The following OPCML variants were observed in gnomAD, a reference collection of about 807,000 sequenced individuals.
OPCML encodes opioid-binding protein/cell adhesion molecule.
A neutral mutation model predicts 37.8 loss-of-function variants in OPCML; 13 were observed. The observed-to-expected ratio is 0.34, with a 90% CI of 0.22 to 0.55. The LOEUF (loss-of-function observed/expected upper bound fraction) is 0.55, where lower values mean the gene tolerates loss of function less well. Ranked by LOEUF, OPCML falls within the 20% of genes least tolerant of loss-of-function variation. The pLI is 0.91. For synonymous variants in OPCML, 176 were observed against 168.8 expected (o/e 1.04, Z -0.33); for missense variants, 341 against 435.6 (o/e 0.78, Z 1.93).
chr11:133,337,526 T>C (rs1173130260), intron 1 of OPCML, among the ~76,000 whole-genome samples: 1 of 152,182 alleles, frequency 6.6e-6, no homozygotes, highest in African/African-American at 2.4e-5. Context: ...TTCTGAGCTA[T>C]CTGGGGAAGT....
chr11:132,495,674 G>A (rs903433219), intron 4 of OPCML, among the ~76,000 whole-genome samples: 2 of 152,066 alleles, frequency 1.3e-5, no homozygotes, highest in South Asian at 4.1e-4. Flanking sequence ...GGCAGATCAC[G>A]AGGCCAGGAG....
intron 1 of OPCML, among the ~76,000 whole-genome samples, chr11:133,191,513 G>T (rs1028103907): frequency 1.3e-4 from 19 of 151,006 alleles, no homozygotes; most frequent in Admixed American, 1.2e-3. Context: ...GGGTGTGTGT[G>T]TGTGTGTGTG....
intron 3 of OPCML, among the ~76,000 whole-genome samples, chr11:132,579,385 A>ATG (rs66467384): frequency 0.35 from 51,425 of 146,408 alleles, 9,710 homozygotes; most frequent in Middle Eastern, 0.55. Context: ...TAGAATGAAT[A>ATG]TGTGTGTGTG....
chr11:132,722,624 C>A (rs911608117), intron 2 of OPCML, among the ~76,000 whole-genome samples: 1 of 152,040 alleles, frequency 6.6e-6, no homozygotes, highest in Non-Finnish European at 1.5e-5. Flanking sequence ...ATTGGAACAT[C>A]ATCGTTAGTT....
chr11:133,363,063 C>T (rs1476023173), intron 1 of OPCML, among the ~76,000 whole-genome samples: 1 of 152,178 alleles, frequency 6.6e-6, no homozygotes, highest in African/African-American at 2.4e-5. Flanking sequence ...CAAGAAAGGG[C>T]AATACCCTGC....
At chr11:133,283,803 G>C (rs1020269257) in intron 1 of OPCML, among the ~76,000 whole-genome samples, 1 of 152,140 alleles carries the variant, frequency 6.6e-6, no homozygotes, top group Non-Finnish European at 1.5e-5. Context: ...ATAGTTCTAT[G>C]GGCTTCATGC....
intron 1 of OPCML, among the ~76,000 whole-genome samples, chr11:132,996,291 G>A (rs1438246227): frequency 2.6e-5 from 4 of 152,004 alleles, no homozygotes; most frequent in Non-Finnish European, 4.4e-5. Flanking sequence ...GGATTTGAAG[G>A]CAAATGTATG....
chr11:132,588,518 G>T (rs983747375), intron 3 of OPCML, among the ~76,000 whole-genome samples: 1 of 152,160 alleles, frequency 6.6e-6, no homozygotes, highest in African/African-American at 2.4e-5. Flanking sequence ...TTGAACAGCT[G>T]TTCCTAGATG....
intron 1 of OPCML, among the ~76,000 whole-genome samples, chr11:133,322,964 C>T (rs776696469): frequency 2.0e-5 from 3 of 152,154 alleles, no homozygotes; most frequent in African/African-American, 7.2e-5. Context: ...CTGGTATATA[C>T]AAAATTGAGT....
chr11:132,483,608 A>C (rs2137030735), intron 4 of OPCML, among the ~76,000 whole-genome samples: 1 of 152,340 alleles, frequency 6.6e-6, no homozygotes, highest in South Asian at 2.1e-4. Context: ...CGCATCGCCA[A>C]GTCAGTCCTA....
At chr11:132,828,813 T>G (rs1940518833) in intron 2 of OPCML, among the ~76,000 whole-genome samples, 1 of 152,116 alleles carries the variant, frequency 6.6e-6, no homozygotes, top group Non-Finnish European at 1.5e-5. Context: ...CTCAGTGAAT[T>G]TCCCAAAAAG....
rs114174781 is a variant in OPCML, at chr11:132,630,896, C to T, written c.379+26191G>A. On this transcript the variant is annotated intron_variant, in intron 3 of 7. Transcript: ENST00000524381. ...ACATTCCAACTGGGGAATGGATAAA[C>T]AAATTGTAATATATTCATATAATAA... 7.3e-3 allele frequency among the ~76,000 whole-genome samples: 1,108 copies of T among 152,094 alleles called. 6 individuals carry two copies. Among genetic ancestry groups the T allele is most frequent in the African/African-American group, 0.025 (1,052 of 41,480 alleles).
At chr11:132,523,365 C>T (rs568748303) in intron 4 of OPCML, among the ~76,000 whole-genome samples, 2 of 152,338 alleles carry the variant, frequency 1.3e-5, no homozygotes, top group Admixed American at 6.5e-5. Context: ...CAAAGCCAAA[C>T]ATTATTTCCC....
At chr11:133,043,846 T>C (rs1365534388) in intron 1 of OPCML, among the ~76,000 whole-genome samples, 1 of 152,158 alleles carries the variant, frequency 6.6e-6, no homozygotes, top group Non-Finnish European at 1.5e-5. Context: ...ACAAAAGGAG[T>C]ATATCCAAGA....
intron 4 of OPCML, 30 bp from the exon 5 acceptor site, chr11:132,437,389 T>G: frequency 6.2e-7 from 1 of 1,611,082 alleles, no homozygotes; most frequent in Non-Finnish European, 8.5e-7. Flanking sequence ...CAGGAAACAA[T>G]CAGGAAACTG....
intron 2 of OPCML, among the ~76,000 whole-genome samples, chr11:132,831,851 G>A (rs1481935310): frequency 2.0e-5 from 3 of 151,906 alleles, no homozygotes; most frequent in Non-Finnish European, 4.4e-5. Context: ...TTTTCTTTTT[G>A]TCCTGTCTTA....
chr11:133,409,342 T>C (rs1312659251), intron 1 of OPCML, among the ~76,000 whole-genome samples: 2 of 152,160 alleles, frequency 1.3e-5, no homozygotes, highest in African/African-American at 4.8e-5. Context: ...TTAGAAAACT[T>C]GACAGAGGAA....
chr11:133,308,596 C>T (rs949733149), intron 1 of OPCML, among the ~76,000 whole-genome samples: 1 of 152,060 alleles, frequency 6.6e-6, no homozygotes, highest in Non-Finnish European at 1.5e-5. Context: ...AGTCCACATC[C>T]GTACATTTCC....
chr11:132,599,382 GAAGA>G (rs1565698499), intron 3 of OPCML, among the ~76,000 whole-genome samples: 5 of 92,332 alleles, frequency 5.4e-5, no homozygotes, highest in Non-Finnish European at 9.8e-5. Flanking sequence ...GAAGAAGGAG[GAAGA>G]AGGAGGAAGA....
Sources: allele counts gnomAD v4.1 joint callset (sites outside exome capture counted in the v4.1 genomes callset), GRCh38; gene constraint gnomAD v4.1.1; transcripts MANE v1.5; gene names NCBI Gene and HGNC (gene_info 2026-07-23, HGNC 2026-07-21).